Variants in PUM1 observed in about 807,000 individuals in gnomAD.
PUM1 encodes the protein pumilio RNA binding family member 1.
Under a neutral mutation model 131.8 loss-of-function variants are expected in PUM1, and 13 were observed. That is an observed-to-expected ratio of 0.10 (90% CI 0.06 to 0.16). The LOEUF is 0.16. Among genes scored for constraint, PUM1 ranks in the 10% least tolerant of loss-of-function variants. PUM1 has a pLI of 1.00. For synonymous variants in PUM1, 509 were observed against 556.5 expected, an observed-to-expected ratio of 0.91 and a Z score of 1.20; for missense variants, 961 against 1,512.4, an observed-to-expected ratio of 0.64 and a Z score of 6.05.
intron 2 of PUM1, among the ~76,000 whole-genome samples, chr1:31,058,028 G>C (rs1644285519): frequency 6.6e-6 from 1 of 151,922 alleles, no homozygotes; most frequent in Non-Finnish European, 1.5e-5. Context: ...TCTCTTCTCA[G>C]TAAAATATGC....
At chr1:31,010,743 C>G (rs1256872000) in intron 3 of PUM1, among the ~76,000 whole-genome samples, 1 of 152,190 alleles carries the variant, frequency 6.6e-6, no homozygotes, top group African/African-American at 2.4e-5. Context: ...AGACCTTTCT[C>G]CAAGCAAGCT....
chr1:30,968,454 T>C lies in PUM1; in HGVS notation c.1545A>G (p.Pro515=). Residue 515 remains proline, a synonymous_variant, in exon 11 of 22, where the codon CCA becomes CCG. Transcript: ENST00000426105. ...RGGASQRPLT[P]NQNQQGQQTD... is the part of the protein sequence containing the mutation. Reference sequence around the variant, plus strand: ...TTTGCTGTCCCTGCTGGTTCTGGTTTGGGGTCAAAGGACGTTGGCTGGCTC... The same window carrying C: ...TTTGCTGTCCCTGCTGGTTCTGGTTCGGGGTCAAAGGACGTTGGCTGGCTC... The C allele has an allele frequency of 2.5e-6, 4 of 1,596,366 alleles. No individual in the cohort carries two copies. Among genetic ancestry groups the C allele is most frequent in the Non-Finnish European group, 3.4e-6 (4 of 1,175,266 alleles).
At chr1:30,984,077 T>G (rs181897240) in intron 7 of PUM1, among the ~76,000 whole-genome samples, 230 of 152,332 alleles carry the variant, frequency 1.5e-3, no homozygotes, top group Middle Eastern at 6.8e-3. Flanking sequence ...ACTATTACTT[T>G]TAACTAAAAG....
chr1:31,051,027 A>T (rs1644095808), intron 2 of PUM1: 1 of 154,258 alleles, frequency 6.5e-6, no homozygotes, highest in East Asian at 1.9e-4. Flanking sequence ...AATGGGTTTC[A>T]TTAAATTGGG....
intron 2 of PUM1, among the ~76,000 whole-genome samples, chr1:31,051,613 ATTT>A (rs10555480): frequency 1.3e-5 from 2 of 150,094 alleles, no homozygotes; most frequent in African/African-American, 2.4e-5. Flanking sequence ...TCACCCACTG[ATTT>A]TTTTTTTTTG....
chr1:30,941,885 G>T, intron 19 of PUM1, 113 bp downstream of exon 19: 1 of 1,135,522 alleles, frequency 8.8e-7, no homozygotes, highest in Non-Finnish European at 1.3e-6. Context: ...CAAGATTCAA[G>T]GGTATTTAAA....
Position 30,932,680 on chromosome 1 carries a change from T to C in PUM1, c.*531A>G, listed in dbSNP as rs1192265403. The C allele has an allele frequency of 6.7e-6, 1 of 148,840 alleles. No individual in the cohort carries two copies. Among genetic ancestry groups the C allele is most frequent in the Non-Finnish European group, 1.5e-5 (1 of 67,288 alleles). The allele number at this position is 148,840 out of a possible 1,614,324, so 9.2% of individuals were successfully genotyped here. On this transcript the variant is annotated 3_prime_UTR_variant, in exon 22 of 22. Coordinates refer to ENST00000426105, the MANE Select transcript of PUM1 (RefSeq NM_001020658.2). ...ATATATATATATTTTTTATAAACAG[T>C]GTTAAATGCCAGTTTGGGGTCATTT...
chr1:30,955,666 C>T (rs74065541), intron 14 of PUM1, among the ~76,000 whole-genome samples: 2,446 of 152,064 alleles, frequency 0.016, 71 homozygotes, highest in African/African-American at 0.055. Flanking sequence ...CAATTAAAAA[C>T]CCACGAGAAA....
intron 2 of PUM1, among the ~76,000 whole-genome samples, chr1:31,035,351 C>CCACT (rs1643572993): frequency 6.6e-6 from 1 of 151,566 alleles, no homozygotes; most frequent in African/African-American, 2.4e-5. Context: ...CGAGACTGCA[C>CCACT]CACTGCACTC....
intron 5 of PUM1, among the ~76,000 whole-genome samples, chr1:31,001,244 C>A (rs1375606025): frequency 2.0e-5 from 3 of 151,968 alleles, no homozygotes; most frequent in Non-Finnish European, 4.4e-5. Flanking sequence ...ACATGCACTC[C>A]TGTAGTCCCA....
At chr1:31,040,137 C>T (rs1190528760) in intron 2 of PUM1, among the ~76,000 whole-genome samples, 1 of 152,154 alleles carries the variant, frequency 6.6e-6, no homozygotes, top group Admixed American at 6.5e-5. Flanking sequence ...CACAGCTCTT[C>T]TAGAACTCCT....
chr1:31,004,955 C>T (rs946586469), intron 5 of PUM1, among the ~76,000 whole-genome samples: 2 of 152,058 alleles, frequency 1.3e-5, no homozygotes, highest in African/African-American at 4.8e-5. Context: ...AAAATGACTG[C>T]AGGGAGAAAT....
rs191572907 is a variant in PUM1 at position 30,968,752 on chromosome 1, C to T, written c.1507-260G>A. ...AAAAGTGATGATTCATTCATTCAAA[C>T]ATTTTATCTCATCTGCCTCATAAAG... On this transcript the variant is annotated intron_variant, in intron 10 of 21. Coordinates refer to ENST00000426105, the MANE Select transcript of PUM1 (RefSeq NM_001020658.2). Among the ~76,000 whole-genome samples, 173 of 152,294 alleles carry T rather than the reference C, an allele frequency of 1.1e-3. 1 individual carries two copies. In the Middle Eastern group the frequency reaches 0.017, roughly 15 times the overall value.
intron 18 of PUM1, among the ~76,000 whole-genome samples, chr1:30,944,423 A>C (rs1349824862): frequency 6.6e-6 from 1 of 152,222 alleles, no homozygotes; most frequent in African/African-American, 2.4e-5. Flanking sequence ...AACAAACAAA[A>C]AAACACAAAA....
At chr1:30,968,152 A>C in intron 11 of PUM1, 1 of 777,266 alleles carries the variant, frequency 1.3e-6, no homozygotes, top group Middle Eastern at 2.3e-4. Flanking sequence ...GATACCTCCA[A>C]TATGACTTAA....
chr1:30,953,934 C>T lies in PUM1; in HGVS notation c.2371G>A (p.Ala791Thr), dbSNP rs1458654676. 1 of 1,614,188 alleles carries T rather than the reference C, an allele frequency of 6.2e-7. No homozygotes were observed. Among genetic ancestry groups the T allele is most frequent in the Non-Finnish European group, 8.5e-7 (1 of 1,180,016 alleles). ...SGRYISAAPG[A>T]EAKYRSASSA... ...CTTGCACTGCGGTACTTGGCTTCAG[C>T]GCCTGGAGCAGCAGAGATGTATCTT... Residue 791 changes from alanine (A) to threonine (T), a missense_variant, in exon 15 of 22, where the codon GCT becomes ACT. Physicochemically the swap from Ala to Thr is moderately conservative, Grantham distance 58. This residue lies in a region of PUM1 where 117 missense variants were observed against 200.7 expected (regional missense o/e 0.58). Coordinates refer to ENST00000426105, the MANE Select transcript of PUM1 (RefSeq NM_001020658.2).
In PUM1 at chr1:30,936,838, G is replaced by T; in HGVS notation, c.3243-3C>A. 6.2e-7 allele frequency: 1 copy of T among 1,601,914 alleles called. No homozygotes were observed. The highest frequency in any genetic ancestry group is 8.5e-7 in the Non-Finnish European group (1 of 1,171,498). ...TAACACACTTCTCCACAACATTGCT[G>T]TAATGAGATAAAACCAGGGACAACT... On this transcript the variant is annotated splice_region_variant and splice_polypyrimidine_tract_variant and intron_variant, in intron 20 of 21. Coordinates refer to ENST00000426105, the MANE Select transcript of PUM1 (RefSeq NM_001020658.2).
chr1:30,949,848 T>C (rs773247315), intron 17 of PUM1, among the ~76,000 whole-genome samples: 1 of 152,120 alleles, frequency 6.6e-6, no homozygotes, highest in African/African-American at 2.4e-5. Flanking sequence ...ACCTGCTTTA[T>C]TCATGGAAAA....
intron 5 of PUM1, among the ~76,000 whole-genome samples, 163 bp downstream of exon 5, chr1:31,005,690 C>A (rs563522590): frequency 6.6e-6 from 1 of 152,124 alleles, no homozygotes; most frequent in East Asian, 1.9e-4. Flanking sequence ...ACTATGTTTG[C>A]TGAGTTCTAT....
Sources: gnomAD v4.1 joint callset for allele counts (sites outside exome capture counted in the v4.1 genomes callset) on GRCh38, gnomAD v4.1.1 for gene constraint, gnomAD v4.1.1 regional missense constraint, MANE v1.5 for transcripts, NCBI Gene and HGNC (gene_info 2026-07-23, HGNC 2026-07-21) for gene names.